The following MBOAT2 variants were observed in gnomAD, a reference collection of about 807,000 sequenced individuals.
MBOAT2 encodes membrane-bound glycerophospholipid O-acyltransferase 2.
In MBOAT2, 28 loss-of-function variants were observed where a neutral mutation model predicts 63.4. The observed-to-expected ratio is 0.44, with a 90% confidence interval of 0.33 to 0.61. The LOEUF is 0.61. Ranked by LOEUF, MBOAT2 falls within the 20% of genes least tolerant of loss-of-function variation. The pLI is 0.03. For synonymous variants in MBOAT2, 211 were observed against 215.6 expected (o/e 0.98, Z 0.19); for missense variants, 470 against 605.8 (o/e 0.78, Z 2.35).
intron 1 of MBOAT2, among the ~76,000 whole-genome samples, chr2:8,999,904 C>T (rs1672565517): frequency 6.6e-6 from 1 of 152,132 alleles, no homozygotes. Flanking sequence ...ATTCCAATAC[C>T]TCTGGAATTC....
rs1317802755 is a variant in MBOAT2, at chr2:8,856,710, A to T, written c.*1969T>A. The stretch of plus-strand genomic sequence containing the variant: ...GCTGGGATTACAGGTGTGCGCCACC[A>T]TGCCCGTCTAATTTTTGTGTTTTCA... On this transcript the variant is annotated 3_prime_UTR_variant, in exon 13 of 13. Coordinates refer to ENST00000305997, the MANE Select transcript of MBOAT2 (RefSeq NM_138799.4). The surrounding 1 kb of genome is among the most constrained non-coding windows in gnomAD (Gnocchi z 4.2). 6.6e-6 allele frequency: 1 copy of T among 152,112 alleles called. No individual in the cohort carries two copies. The highest frequency in any genetic ancestry group is 6.6e-5 in the Admixed American group (1 of 15,248). 9.4% of individuals were successfully genotyped at this position (152,112 alleles called of 1,614,324 possible).
intron 5 of MBOAT2, among the ~76,000 whole-genome samples, chr2:8,883,993 C>T (rs62104412): frequency 0.057 from 8,464 of 147,400 alleles, 233 homozygotes; most frequent in South Asian, 0.073. Context: ...GAGGCCAAGG[C>T]GGGTGGATCA....
At chr2:8,912,351 GAGAA>G (rs1444081100) in intron 3 of MBOAT2, among the ~76,000 whole-genome samples, 14 of 69,866 alleles carry the variant, frequency 2.0e-4, no homozygotes, top group East Asian at 5.0e-4. Flanking sequence ...AAGAAAGAAA[GAGAA>G]AGAAAGAAAG....
intron 6 of MBOAT2, among the ~76,000 whole-genome samples, chr2:8,877,476 C>T (rs770825902): frequency 1.3e-5 from 2 of 152,150 alleles, no homozygotes; most frequent in Non-Finnish European, 2.9e-5. Flanking sequence ...CAAAGATGGA[C>T]GCACTATCTG....
intron 3 of MBOAT2, among the ~76,000 whole-genome samples, chr2:8,937,355 T>G (rs933201434): frequency 6.6e-6 from 1 of 152,204 alleles, no homozygotes; most frequent in African/African-American, 2.4e-5. Context: ...GAACACTCAC[T>G]GAGAGCATAC....
chr2:8,970,617 A>C (rs1670377866), intron 1 of MBOAT2, among the ~76,000 whole-genome samples: 1 of 152,222 alleles, frequency 6.6e-6, no homozygotes. Context: ...AAGTTGATAG[A>C]CCACTAGCAA....
intron 4 of MBOAT2, among the ~76,000 whole-genome samples, chr2:8,893,955 AT>A (rs887081107): frequency 7.0e-4 from 103 of 148,068 alleles, no homozygotes; most frequent in Middle Eastern, 7.0e-3. Context: ...AAAACACTGC[AT>A]TTTTTTTTTT....
intron 8 of MBOAT2, among the ~76,000 whole-genome samples, chr2:8,871,667 C>T (rs1316459261): frequency 2.0e-5 from 3 of 152,116 alleles, no homozygotes; most frequent in Non-Finnish European, 2.9e-5. Flanking sequence ...TTTTAATTGG[C>T]CATTAACTCA....
chr2:8,861,691 C>T (rs1661510239), intron 11 of MBOAT2, among the ~76,000 whole-genome samples: 2 of 152,196 alleles, frequency 1.3e-5, no homozygotes, highest in South Asian at 4.1e-4. Context: ...CAAACACCTT[C>T]CTAATGGGGC....
At chr2:8,980,971 CATAA>C (rs747480527) in intron 1 of MBOAT2, among the ~76,000 whole-genome samples, 1 of 152,128 alleles carries the variant, frequency 6.6e-6, no homozygotes, top group Non-Finnish European at 1.5e-5. Flanking sequence ...TCAACAGATG[CATAA>C]ATAAAATGTG....
At chr2:8,979,542 T>G (rs1405164145) in intron 1 of MBOAT2, among the ~76,000 whole-genome samples, 1 of 152,120 alleles carries the variant, frequency 6.6e-6, no homozygotes, top group Non-Finnish European at 1.5e-5. Flanking sequence ...CCCACCACAT[T>G]TATCAGCTTA....
intron 4 of MBOAT2, among the ~76,000 whole-genome samples, chr2:8,889,478 C>T (rs1663827858): frequency 2.0e-5 from 3 of 152,198 alleles, no homozygotes; most frequent in African/African-American, 4.8e-5. Flanking sequence ...CATTTACATA[C>T]TCACTCCTCA....
At chr2:8,936,800 A>G (rs1272987527) in intron 3 of MBOAT2, among the ~76,000 whole-genome samples, 6 of 150,504 alleles carry the variant, frequency 4.0e-5, no homozygotes, top group South Asian at 4.2e-4. Context: ...AAAAAAAAAA[A>G]AAAAAGAAAA....
chr2:8,886,608 A>T (rs953523268), intron 5 of MBOAT2, among the ~76,000 whole-genome samples: 4 of 152,142 alleles, frequency 2.6e-5, no homozygotes, highest in Non-Finnish European at 5.9e-5. Flanking sequence ...AAGTGTATGA[A>T]CTCCTCAAAT....
intron 8 of MBOAT2, among the ~76,000 whole-genome samples, chr2:8,872,642 AAGCAT>A (rs1332518229): frequency 6.6e-6 from 1 of 152,202 alleles, no homozygotes; most frequent in Non-Finnish European, 1.5e-5. Context: ...TCTACCTGCC[AAGCAT>A]AACTGATGAC....
chr2:8,870,258 G>A (rs1056525737), intron 8 of MBOAT2, among the ~76,000 whole-genome samples: 3 of 152,126 alleles, frequency 2.0e-5, no homozygotes, highest in African/African-American at 7.2e-5. Flanking sequence ...AAAAGGGCAG[G>A]GCCACAGGGC....
At chr2:8,944,251 C>T (rs1038429272) in intron 2 of MBOAT2, among the ~76,000 whole-genome samples, 1 of 152,186 alleles carries the variant, frequency 6.6e-6, no homozygotes, top group Non-Finnish European at 1.5e-5. Flanking sequence ...TCAGGCAAAA[C>T]ATGATTAGGA....
At chr2:8,955,136 C>T (rs897320664) in intron 2 of MBOAT2, among the ~76,000 whole-genome samples, 1 of 152,204 alleles carries the variant, frequency 6.6e-6, no homozygotes, top group African/African-American at 2.4e-5. Context: ...TAATCTCTGG[C>T]CTAAGACTGA....
chr2:8,885,777 C>T (rs1663506569), intron 5 of MBOAT2, among the ~76,000 whole-genome samples: 1 of 152,218 alleles, frequency 6.6e-6, no homozygotes. Flanking sequence ...GATAAAATAA[C>T]ACCTGCTTCC....
Sources: gnomAD v4.1 joint callset for allele counts (sites outside exome capture counted in the v4.1 genomes callset) on GRCh38, gnomAD v4.1.1 for gene constraint, Gnocchi (gnomAD v3.1) non-coding constraint, MANE v1.5 for transcripts, NCBI Gene and HGNC (gene_info 2026-07-23, HGNC 2026-07-21) for gene names.